The following ZBTB16 variants were observed in gnomAD, a reference collection of about 807,000 sequenced individuals.
ZBTB16 encodes the protein zinc finger and BTB domain-containing protein 16.
ZBTB16 carries 8 observed loss-of-function variants against 56.8 expected under a neutral mutation model. The ratio of observed to expected loss-of-function variants is 0.14; its 90% confidence interval spans 0.08 to 0.25. The LOEUF (loss-of-function observed/expected upper bound fraction) is 0.25, where lower values mean the gene tolerates loss of function less well. ZBTB16 is among the 10% of genes least tolerant of loss of function. The pLI is 1.00. For missense variants in ZBTB16, 625 were observed against 903.0 expected (o/e 0.69, Z 3.95); for synonymous variants, 363 against 368.5 (o/e 0.98, Z 0.17).
intron 4 of ZBTB16, among the ~76,000 whole-genome samples, chr11:114,202,002 C>T (rs931238131): frequency 6.6e-6 from 1 of 152,206 alleles, no homozygotes; most frequent in Admixed American, 6.5e-5. Flanking sequence ...TGGGAGCGCT[C>T]ATGGACATCA....
At chr11:114,142,518 T>C (rs907366530) in intron 2 of ZBTB16, among the ~76,000 whole-genome samples, 2 of 152,242 alleles carry the variant, frequency 1.3e-5, no homozygotes, top group African/African-American at 2.4e-5. Flanking sequence ...GTTCAACATA[T>C]GCGCTGTTGA....
intron 2 of ZBTB16, among the ~76,000 whole-genome samples, chr11:114,146,091 G>C (rs946236655): frequency 2.6e-5 from 4 of 152,154 alleles, no homozygotes; most frequent in African/African-American, 9.7e-5. Context: ...TACGGTAGGC[G>C]CTTAACAGAT....
chr11:114,156,882 G>A (rs539784163), intron 3 of ZBTB16, among the ~76,000 whole-genome samples: 1 of 152,302 alleles, frequency 6.6e-6, no homozygotes, highest in African/African-American at 2.4e-5. Flanking sequence ...TTCTATTGAG[G>A]TCGACTGTGT....
Position 114,118,071 on chromosome 11 carries a change from G to A in ZBTB16, c.1269-38266G>A, listed in dbSNP as rs193183558. Among the ~76,000 whole-genome samples, 37 of 152,232 alleles carry A rather than the reference G, an allele frequency of 2.4e-4. No homozygotes were observed. In the East Asian group the frequency reaches 6.0e-3, roughly 25 times the overall value. On this transcript the variant is annotated intron_variant, in intron 2 of 6. Transcript: ENST00000335953. ...AGAGGCACAACTGACTTAATCACAG[G>A]ACCCCAGGTGTGTGTGTCTGAAATG...
intron 3 of ZBTB16, among the ~76,000 whole-genome samples, chr11:114,166,179 C>T (rs1031346755): frequency 6.7e-6 from 1 of 149,294 alleles, no homozygotes; most frequent in Admixed American, 6.7e-5. Context: ...CTGCAAGTAT[C>T]GTGGGGCAGA....
In ZBTB16 at chr11:114,250,181, T is replaced by C. The variant is rs973312354; in HGVS notation, c.1793-145T>C. 1.0e-4 allele frequency: 81 copies of C among 809,914 alleles called. 2 individuals are homozygous for C. The Middle Eastern group carries it at 4.4e-3, about 44-fold the overall frequency. The allele number at this position is 809,914 out of a possible 1,614,324, so 50.2% of individuals were successfully genotyped here. A position where few individuals can be genotyped will look rare whatever the true frequency, so the allele number is the denominator to read the frequency against. On this transcript the variant is annotated intron_variant, in intron 6 of 6. Transcript: ENST00000335953. This position sits in a 1 kb window ranked among gnomAD's most constrained non-coding sequence, Gnocchi z 6.0. ...TGTGACTGGTGGCTGCCGTCTTGGG[T>C]GGTGCCTTCATTGTCCCAGAAAGTT...
chr11:114,217,778 G>A (rs979343653), intron 4 of ZBTB16, among the ~76,000 whole-genome samples: 5 of 152,196 alleles, frequency 3.3e-5, no homozygotes, highest in African/African-American at 1.2e-4. Flanking sequence ...GGGGATGAGA[G>A]TTGGGGCAAA....
intron 4 of ZBTB16, among the ~76,000 whole-genome samples, chr11:114,190,713 A>G (rs1052837246): frequency 6.8e-6 from 1 of 147,632 alleles, no homozygotes; most frequent in Non-Finnish European, 1.5e-5. Context: ...GGCATCACTC[A>G]TGCCACCTCT....
chr11:114,196,855 C>G (rs1234330534), intron 4 of ZBTB16, among the ~76,000 whole-genome samples: 3 of 151,868 alleles, frequency 2.0e-5, no homozygotes, highest in Non-Finnish European at 4.4e-5. Flanking sequence ...AAATATAGAC[C>G]TTTTTTCCTC....
chr11:114,136,571 G>T (rs936140867), intron 2 of ZBTB16, among the ~76,000 whole-genome samples: 1 of 152,110 alleles, frequency 6.6e-6, no homozygotes, highest in Non-Finnish European at 1.5e-5. Context: ...ATGTTCTGAG[G>T]TTCTTACCTT....
At chr11:114,154,321 GA>G in intron 2 of ZBTB16, among the ~76,000 whole-genome samples, 1 of 152,312 alleles carries the variant, frequency 6.6e-6, no homozygotes, top group Admixed American at 6.5e-5. Context: ...CCCTGGTGAA[GA>G]AAAGGATGAA....
Position 114,250,933 on chromosome 11 carries a change from G to C in ZBTB16, c.*378G>C, listed in dbSNP as rs1315056197. Among the ~76,000 whole-genome samples the C allele has an allele frequency of 6.6e-6, 1 of 152,200 alleles. No individual in the cohort carries two copies. Among genetic ancestry groups the C allele is most frequent in the Admixed American group, 6.5e-5 (1 of 15,286 alleles). ...TCCTCTGGTCAGAGCCACACGGTCT[G>C]TGCCGGCCTTCCTCCACCAAGACCC... On this transcript the variant is annotated 3_prime_UTR_variant, in exon 7 of 7. Coordinates refer to ENST00000335953, the MANE Select transcript of ZBTB16 (RefSeq NM_006006.6). This position sits in a 1 kb window ranked among gnomAD's most constrained non-coding sequence, Gnocchi z 6.0.
intron 2 of ZBTB16, among the ~76,000 whole-genome samples, chr11:114,139,626 C>CGTGT (rs750514241): frequency 0.047 from 6,461 of 138,514 alleles, 276 homozygotes; most frequent in African/African-American, 0.11. Flanking sequence ...CCGCGGTCCA[C>CGTGT]GTGTGTGTGT....
At chr11:114,106,132 A>G (rs1157809261) in intron 2 of ZBTB16, among the ~76,000 whole-genome samples, 2 of 152,062 alleles carry the variant, frequency 1.3e-5, no homozygotes, top group African/African-American at 4.8e-5. Flanking sequence ...GAGGGTTGTT[A>G]GGAGGAAAAC....
At chr11:114,137,307 G>A (rs889625718) in intron 2 of ZBTB16, among the ~76,000 whole-genome samples, 14 of 152,160 alleles carry the variant, frequency 9.2e-5, no homozygotes, top group African/African-American at 1.4e-4. Flanking sequence ...TAAAGAAGCC[G>A]TTGGTCTTCC....
In ZBTB16 at chr11:114,254,190, T is replaced by G. The variant is rs149435285; in HGVS notation, c.*3635T>G. On this transcript the variant is annotated 3_prime_UTR_variant, in exon 7 of 7. Coordinates refer to ENST00000335953, the MANE Select transcript of ZBTB16 (RefSeq NM_006006.6). ...AAATATATAGATATATAGATATATA[T>G]ATATATAGCAAGAGATTGATATAAA... 3.2e-3 allele frequency among the ~76,000 whole-genome samples: 484 copies of G among 151,890 alleles called. 2 individuals carry two copies. The highest frequency in any genetic ancestry group is 9.1e-3 in the African/African-American group (375 of 41,428).
chr11:114,100,872 C>A (rs1940582059), intron 2 of ZBTB16, among the ~76,000 whole-genome samples: 2 of 152,058 alleles, frequency 1.3e-5, no homozygotes, highest in African/African-American at 4.8e-5. Flanking sequence ...TTAAGGCTGA[C>A]TTGGGAATCT....
intron 2 of ZBTB16, among the ~76,000 whole-genome samples, chr11:114,104,859 T>A (rs562653288): frequency 6.6e-6 from 1 of 152,324 alleles, no homozygotes; most frequent in South Asian, 2.1e-4. Flanking sequence ...TAGATGTTCT[T>A]GTAGGGGCAC....
intron 4 of ZBTB16, among the ~76,000 whole-genome samples, chr11:114,237,713 C>T (rs1447161798): frequency 6.6e-6 from 1 of 152,236 alleles, no homozygotes; most frequent in African/African-American, 2.4e-5. Context: ...GAACAATCAG[C>T]TAGGCTGAAA....
Sources: gnomAD v4.1 joint callset for allele counts (sites outside exome capture counted in the v4.1 genomes callset) on GRCh38, gnomAD v4.1.1 for gene constraint, Gnocchi (gnomAD v3.1) non-coding constraint, MANE v1.5 for transcripts, NCBI Gene and HGNC (gene_info 2026-07-23, HGNC 2026-07-21) for gene names.